PCMT1: variants seen among roughly 807,000 people sequenced by gnomAD.
The protein encoded by PCMT1 is protein-L-isoaspartate(D-aspartate) O-methyltransferase.
PCMT1 carries 9 observed loss-of-function variants against 29.2 expected under a neutral mutation model. That is an observed-to-expected ratio of 0.31 (90% CI 0.19 to 0.54). The LOEUF (loss-of-function observed/expected upper bound fraction) is 0.54. Among genes scored for constraint, PCMT1 ranks in the 20% least tolerant of loss-of-function variants. The probability of loss-of-function intolerance (pLI) is 0.95; values close to 1 mark genes in which losing one functional copy is unlikely to be tolerated. For synonymous variants in PCMT1, 98 were observed against 97.5 expected, an observed-to-expected ratio of 1.00 and a Z score of -0.03; for missense variants, 184 against 282.2, an observed-to-expected ratio of 0.65 and a Z score of 2.49.
intron 3 of PCMT1, among the ~76,000 whole-genome samples, chr6:149,786,819 T>A (rs1456080971): frequency 6.7e-6 from 1 of 148,680 alleles, no homozygotes; most frequent in East Asian, 2.0e-4. Flanking sequence ...GAGGCGCTCC[T>A]CACTTCCTAG....
chr6:149,795,435 T>A (rs1292170362), intron 5 of PCMT1: 1 of 401,774 alleles, frequency 2.5e-6, no homozygotes, highest in Non-Finnish European at 4.8e-6. Context: ...GCTCTGAATA[T>A]AAGAACATAA....
intron 7 of PCMT1, among the ~76,000 whole-genome samples, chr6:149,808,288 T>C (rs1181566955): frequency 6.6e-6 from 1 of 152,130 alleles, no homozygotes; most frequent in Admixed American, 6.5e-5. Context: ...TCTAAAAATT[T>C]AGTACATACT....
At chr6:149,767,955 G>A (rs1393281037) in intron 1 of PCMT1, among the ~76,000 whole-genome samples, 3 of 151,652 alleles carry the variant, frequency 2.0e-5, no homozygotes, top group East Asian at 3.9e-4. Flanking sequence ...CACCACACCC[G>A]GCTAATGTTT....
At position 149,810,706 on chromosome 6, in the gene PCMT1, C is replaced by A; in HGVS notation, c.*128C>A. ...CCTCAAAGCTTTTTGAAAACCAACA[C>A]CATCACAGCTTGTTTTGGACTTTGT... On this transcript the variant is annotated 3_prime_UTR_variant, in exon 8 of 8. Transcript: ENST00000464889. 9.4e-7 allele frequency: 1 copy of A among 1,060,348 alleles called. No homozygotes were observed. The highest frequency in any genetic ancestry group is 1.4e-6 in the Non-Finnish European group (1 of 705,656). 65.7% of individuals were successfully genotyped at this position (1,060,348 alleles called of 1,614,324 possible).
chr6:149,765,980 A>AT (rs58014361), intron 1 of PCMT1, among the ~76,000 whole-genome samples: 68,201 of 144,956 alleles, frequency 0.47, 17,660 homozygotes, highest in African/African-American at 0.7. Flanking sequence ...AAAAAAATAA[A>AT]TTTTTTTTTT....
rs1787473411 is a variant in PCMT1 at position 149,774,527 on chromosome 6, C to T, written c.192+1358C>T. 2.1e-5 allele frequency among the ~76,000 whole-genome samples: 3 copies of T among 141,402 alleles called. No homozygotes were observed. In the Admixed American group the frequency reaches 2.2e-4, roughly 10 times the overall value. 92.8% of individuals were successfully genotyped at this position (141,402 alleles called of 152,430 possible). A position where few individuals can be genotyped will look rare whatever the true frequency, so the allele number is the denominator to read the frequency against. On this transcript the variant is annotated intron_variant, in intron 3 of 7. Coordinates refer to ENST00000464889, the MANE Select transcript of PCMT1 (RefSeq NM_001360452.2). Reference sequence around the variant, plus strand: ...GTGCTGGGATTATAGGTGTGAGCCACTGGGCCCAGTCTTTTTTTTTTTTTT... The same window carrying T: ...GTGCTGGGATTATAGGTGTGAGCCATTGGGCCCAGTCTTTTTTTTTTTTTT...
At chr6:149,774,619 C>A in intron 3 of PCMT1, among the ~76,000 whole-genome samples, 1 of 150,852 alleles carries the variant, frequency 6.6e-6, no homozygotes, top group Non-Finnish European at 1.5e-5. Flanking sequence ...CTCACTGCAA[C>A]CTCCACCTCC....
intron 1 of PCMT1, among the ~76,000 whole-genome samples, chr6:149,758,208 C>CTTTTTTTTTTTTTTTTTTTTTTTTTTT (rs756014067): frequency 8.1e-5 from 6 of 73,910 alleles, no homozygotes; most frequent in Non-Finnish European, 1.5e-4. Flanking sequence ...TTCTTTCTTT[C>CTTTTTTTTTTTTTTTTTTTTTTTTTTT]TTTTTTTTTT....
intron 1 of PCMT1, among the ~76,000 whole-genome samples, chr6:149,758,413 T>C (rs1786605774): frequency 6.6e-6 from 1 of 151,506 alleles, no homozygotes; most frequent in Admixed American, 6.6e-5. Flanking sequence ...GGTTTCACCA[T>C]GTTGGCCAGG....
In PCMT1 at chr6:149,749,759, G is replaced by GCGACGGCAGTAA; in HGVS notation, c.-141_-130dup. 1 of 1,547,176 alleles carries GCGACGGCAGTAA rather than the reference G, an allele frequency of 6.5e-7. No individual in the cohort carries two copies. Among genetic ancestry groups the GCGACGGCAGTAA allele is most frequent in the Middle Eastern group, 1.7e-4 (1 of 5,936 alleles). On this transcript the variant is annotated 5_prime_UTR_variant, in exon 1 of 8. Coordinates refer to ENST00000464889, the MANE Select transcript of PCMT1 (RefSeq NM_001360452.2). ...GGAGCGCGCAGTGGCGGCAGCGGCG[G>GCGACGGCAGTAA]CGACGGCAGTAACAGCGGCAGCTAC...
intron 1 of PCMT1, among the ~76,000 whole-genome samples, chr6:149,764,740 T>C (rs1202383820): frequency 6.7e-6 from 1 of 148,192 alleles, no homozygotes; most frequent in Non-Finnish European, 1.5e-5. Flanking sequence ...ACCATATCTC[T>C]TTAAAAATTA....
Position 149,810,763 on chromosome 6 carries a change from T to C in PCMT1, c.*185T>C. ...GTTATTTTCAGCATGAAAATGTGTG[T>C]TTTTTTAGGGTTTCTGATTCTTCAA... On this transcript the variant is annotated 3_prime_UTR_variant, in exon 8 of 8. Coordinates refer to ENST00000464889, the MANE Select transcript of PCMT1 (RefSeq NM_001360452.2). 1 of 644,412 alleles carries C rather than the reference T, an allele frequency of 1.6e-6. No individual in the cohort carries two copies. Among genetic ancestry groups the C allele is most frequent in the South Asian group, 2.3e-5 (1 of 42,592 alleles). 39.9% of individuals were successfully genotyped at this position (644,412 alleles called of 1,614,324 possible).
rs535178537 is a variant in PCMT1, at chr6:149,793,452, T to G, written c.298-97T>G. ...AGCCTTAAGCTATTTTTGTTTTCTC[T>G]TTGTAGAATATGACTTTCGATAAGG... is the stretch of plus-strand genomic sequence containing the variant. On this transcript the variant is annotated intron_variant, in intron 4 of 7. Coordinates refer to ENST00000464889, the MANE Select transcript of PCMT1 (RefSeq NM_001360452.2). The G allele has an allele frequency of 3.5e-6, 4 of 1,145,884 alleles. No individual in the cohort carries two copies. In the African/African-American group the frequency reaches 6.4e-5, roughly 18 times the overall value. The allele number at this position is 1,145,884 out of a possible 1,614,324, so 71.0% of individuals were successfully genotyped here.
chr6:149,772,152 A>T, intron 2 of PCMT1: 1 of 455,548 alleles, frequency 2.2e-6, no homozygotes. Flanking sequence ...GACGCACTAT[A>T]ACAGTCAGCA....
intron 1 of PCMT1, 125 bp downstream of exon 1, chr6:149,750,081 T>A: frequency 7.4e-7 from 1 of 1,343,988 alleles, no homozygotes; most frequent in Non-Finnish European, 9.9e-7. Context: ...GGCGCAGAGT[T>A]GCCCCGGTAG....
At chr6:149,752,515 G>A (rs1786364059) in intron 1 of PCMT1, among the ~76,000 whole-genome samples, 1 of 152,042 alleles carries the variant, frequency 6.6e-6, no homozygotes, top group African/African-American at 2.4e-5. Context: ...TCAATATTTT[G>A]TCAAGCATTG....
Position 149,788,478 on chromosome 6 carries a change from T to G in PCMT1, c.193-1476T>G, listed in dbSNP as rs550146428. Among the ~76,000 whole-genome samples, 12 of 152,290 alleles carry G rather than the reference T, an allele frequency of 7.9e-5. No homozygotes were observed. In the South Asian group the frequency reaches 2.5e-3, roughly 32 times the overall value. ...TTTATGACCTTGAAAACCTTGAAAA[T>G]TTTTACGAATATGGGCCATTTATTT... is the stretch of plus-strand genomic sequence containing the variant. On this transcript the variant is annotated intron_variant, in intron 3 of 7. Coordinates refer to ENST00000464889, the MANE Select transcript of PCMT1 (RefSeq NM_001360452.2).
chr6:149,753,075 C>A (rs1786386985), intron 1 of PCMT1, among the ~76,000 whole-genome samples: 1 of 152,066 alleles, frequency 6.6e-6, no homozygotes, highest in Non-Finnish European at 1.5e-5. Context: ...ACTTTAGTTT[C>A]AACTTCTTGC....
intron 5 of PCMT1, among the ~76,000 whole-genome samples, chr6:149,794,490 C>A (rs544662806): frequency 6.6e-6 from 1 of 152,060 alleles, no homozygotes; most frequent in African/African-American, 2.4e-5. Flanking sequence ...TGGTGGCGCA[C>A]GCCTGTAGTC....
Sources: allele counts gnomAD v4.1 joint callset (sites outside exome capture counted in the v4.1 genomes callset), GRCh38; gene constraint gnomAD v4.1.1; transcripts MANE v1.5; gene names NCBI Gene and HGNC (gene_info 2026-07-23, HGNC 2026-07-21).